PPIL1: variants seen among roughly 807,000 people sequenced by gnomAD.
PPIL1 encodes the protein peptidyl-prolyl cis-trans isomerase-like 1.
A neutral mutation model predicts 19.4 loss-of-function variants in PPIL1; 14 were observed. That is an observed-to-expected ratio of 0.72 (90% confidence interval 0.48 to 1.13). The LOEUF (loss-of-function observed/expected upper bound fraction) is 1.13. PPIL1 is among the 50% of genes most tolerant of loss of function. The pLI is 0.00. For missense variants in PPIL1, 192 were observed against 218.0 expected (o/e 0.88, Z 0.75); for synonymous variants, 72 against 73.6 (o/e 0.98, Z 0.11).
chr6:36,856,039 GGGAAAAA>G lies in PPIL1; in HGVS notation c.281-13_281-7del. 1 of 1,613,172 alleles carries G rather than the reference GGGAAAAA, an allele frequency of 6.2e-7. No individual in the cohort carries two copies. Among genetic ancestry groups the G allele is most frequent in the Non-Finnish European group, 8.5e-7 (1 of 1,179,388 alleles). On this transcript the variant is annotated splice_region_variant and splice_polypyrimidine_tract_variant and intron_variant, in intron 3 of 3. Coordinates refer to ENST00000373699, the MANE Select transcript of PPIL1 (RefSeq NM_016059.5). ...CATTGCGAGAATTCCAGCCCCTGGT[GGGAAAAA>G]GGAAGAAAGGAAAGAGTATAAATAA...
chr6:36,858,914 C>T (rs377143398), intron 2 of PPIL1, among the ~76,000 whole-genome samples: 14 of 152,236 alleles, frequency 9.2e-5, no homozygotes, highest in African/African-American at 3.1e-4. Flanking sequence ...TGGGGCCAGA[C>T]GCCACAGAGG....
rs567659314 is a variant in PPIL1, at chr6:36,866,221, G to T, written c.211+5497C>A. Reference sequence around the variant, plus strand: ...TGAAGGTAGAAAAATGGTTTAAAATGAAATGAAGCAGGAAGTCAAAGGGTA... The same window carrying T: ...TGAAGGTAGAAAAATGGTTTAAAATTAAATGAAGCAGGAAGTCAAAGGGTA... On this transcript the variant is annotated intron_variant, in intron 2 of 3. Transcript: ENST00000373699. Among the ~76,000 whole-genome samples the T allele has an allele frequency of 1.4e-4, 22 of 152,300 alleles. 1 individual carries two copies. The highest frequency in any genetic ancestry group is 1.3e-3 in the East Asian group (7 of 5,194).
At position 36,855,990 on chromosome 6, in the gene PPIL1, A is replaced by C; in HGVS notation, c.324T>G (p.Asn108Lys). The part of the protein sequence containing the change: ...LAMANAGPDT[N>K]GSQFFVTLAP... ...CGAGGGTCACAAAGAACTGGCTGCC[A>C]TTGGTATCTGGCCCCGCATTGGCCA... Residue 108 changes from asparagine to lysine, a missense_variant, in exon 4 of 4, where the codon AAT (asparagine) becomes AAG (lysine). Physicochemically the swap from Asn to Lys is moderately conservative, Grantham distance 94. Transcript: ENST00000373699. The C allele has an allele frequency of 6.2e-7, 1 of 1,614,238 alleles. No individual in the cohort carries two copies. The highest frequency in any genetic ancestry group is 8.5e-7 in the Non-Finnish European group (1 of 1,180,046).
intron 2 of PPIL1, among the ~76,000 whole-genome samples, chr6:36,867,474 C>T (rs1774416581): frequency 6.6e-6 from 1 of 152,230 alleles, no homozygotes; most frequent in Non-Finnish European, 1.5e-5. Context: ...AAATGTCATG[C>T]TGAGATTCTC....
rs764289992 is a variant in PPIL1 at position 36,855,824 on chromosome 6, G to A, written c.490C>T (p.Pro164Ser). The A allele has an allele frequency of 2.5e-6, 4 of 1,613,986 alleles. No homozygotes were observed. The highest frequency in any genetic ancestry group is 3.3e-5 in the Admixed American group (2 of 60,004). Residue 164 changes from proline to serine, a missense_variant, in exon 4 of 4, where the codon CCT (proline) becomes TCT (serine). Pro to Ser is a moderately conservative substitution (Grantham distance 74). Transcript: ENST00000373699. ...VDDVKIIKAYPSG is the reference protein window; with the variant it reads ...VDDVKIIKAYSSG ...AGAGGGTAGCAAGTCTACCCAGAAG[G>A]GTATGCCTTAATGATCTTCACGTCG...
chr6:36,862,809 GCTAC>G (rs1176388829), intron 2 of PPIL1, among the ~76,000 whole-genome samples: 1 of 152,208 alleles, frequency 6.6e-6, no homozygotes, highest in African/African-American at 2.4e-5. Context: ...CAAAAGCAGT[GCTAC>G]CTGACACAAA....
rs983814783 is a variant in PPIL1 at position 36,855,860 on chromosome 6, G to A, written c.454C>T (p.Arg152Cys). 1.2e-6 allele frequency: 2 copies of A among 1,614,038 alleles called. No homozygotes were observed. The highest frequency in any genetic ancestry group is 1.7e-6 in the Non-Finnish European group (2 of 1,179,992). ...VGMVETNSQD[R>C]PVDDVKIIKA... ...ATGATCTTCACGTCGTCCACAGGGC[G>A]GTCCTGGGAGTTTGTTTCTACCATT... Residue 152 changes from arginine (R) to cysteine (C), a missense_variant, in exon 4 of 4, where the codon CGC becomes TGC. Transcript: ENST00000373699.
chr6:36,870,422 T>A lies in PPIL1; in HGVS notation c.211+1296A>T, dbSNP rs539973596. Among the ~76,000 whole-genome samples, 103 of 152,132 alleles carry A rather than the reference T, an allele frequency of 6.8e-4. 1 individual carries two copies. The highest frequency in any genetic ancestry group is 6.8e-3 in the Middle Eastern group (2 of 294). The stretch of plus-strand genomic sequence containing the variant: ...ACTTACTCATGAGCATAGTCGGCCC[T>A]CCCTACATGTGGGTTCTACATTCAT... On this transcript the variant is annotated intron_variant, in intron 2 of 3. Transcript: ENST00000373699.
chr6:36,856,818 T>C (rs1050649316), intron 2 of PPIL1, among the ~76,000 whole-genome samples, 164 bp from the exon 3 acceptor site: 4 of 152,216 alleles, frequency 2.6e-5, no homozygotes, highest in African/African-American at 4.8e-5. Context: ...CTAGCACTAA[T>C]AGCACATTCA....
intron 2 of PPIL1, among the ~76,000 whole-genome samples, chr6:36,861,431 G>A (rs1323761007): frequency 6.6e-6 from 1 of 152,138 alleles, no homozygotes; most frequent in African/African-American, 2.4e-5. Flanking sequence ...TTGGTTCCAG[G>A]ATCCCTGTGA....
At chr6:36,867,883 G>T (rs1774426650) in intron 2 of PPIL1, among the ~76,000 whole-genome samples, 4 of 152,256 alleles carry the variant, frequency 2.6e-5, no homozygotes, top group Admixed American at 2.6e-4. Flanking sequence ...CATAAGTGGG[G>T]AGAATGACAA....
intron 1 of PPIL1, among the ~76,000 whole-genome samples, chr6:36,874,216 G>A (rs1207153961): frequency 6.6e-6 from 1 of 152,228 alleles, no homozygotes; most frequent in African/African-American, 2.4e-5. Context: ...GCGGGGCATG[G>A]CGCCAGCAGG....
rs1343879493 is a variant in PPIL1 at position 36,856,567 on chromosome 6, A to G, written c.280+19T>C. 6.8e-6 allele frequency: 11 copies of G among 1,611,584 alleles called. No individual in the cohort carries two copies. Among genetic ancestry groups the G allele is most frequent in the Non-Finnish European group, 9.3e-6 (11 of 1,177,728 alleles). On this transcript the variant is annotated intron_variant, in intron 3 of 3. Transcript: ENST00000373699. ...TAAAATCCCCGTTCCTACCCAGTCC[A>G]GCCAAATTATACACTTACCCGTGAA... is the stretch of plus-strand genomic sequence containing the variant.
chr6:36,873,070 A>G (rs966491015), intron 1 of PPIL1, among the ~76,000 whole-genome samples: 2 of 152,222 alleles, frequency 1.3e-5, no homozygotes, highest in African/African-American at 4.8e-5. Context: ...TTCAACACAG[A>G]TTGACAGTTA....
chr6:36,865,383 C>T (rs1438474477), intron 2 of PPIL1, among the ~76,000 whole-genome samples: 2 of 152,230 alleles, frequency 1.3e-5, no homozygotes, highest in African/African-American at 4.8e-5. Flanking sequence ...GTCCCCTAAA[C>T]AGGCAGTTCC....
chr6:36,856,473 G>T, intron 3 of PPIL1, 113 bp downstream of exon 3: 2 of 949,748 alleles, frequency 2.1e-6, no homozygotes, highest in Non-Finnish European at 3.3e-6. Context: ...GCCATGGCTG[G>T]GCAGCTATCT....
chr6:36,858,720 C>T (rs887615083), intron 2 of PPIL1: 21 of 152,310 alleles, frequency 1.4e-4, no homozygotes, highest in African/African-American at 5.1e-4. Context: ...TGGAAAAATA[C>T]TGAACCACAC....
chr6:36,874,450 TTGAA>T lies in PPIL1; in HGVS notation c.56+263_56+266del, dbSNP rs147444607. Among the ~76,000 whole-genome samples, 9 of 152,260 alleles carry T rather than the reference TTGAA, an allele frequency of 5.9e-5. 1 individual carries two copies. Among genetic ancestry groups the T allele is most frequent in the South Asian group, 4.1e-4 (2 of 4,828 alleles). On this transcript the variant is annotated intron_variant, in intron 1 of 3. Coordinates refer to ENST00000373699, the MANE Select transcript of PPIL1 (RefSeq NM_016059.5). ...GGCTTGCGGACTCATTACACGTTTGTTGAATGAATGAATGAATGAATGAGCGGAC... is the reference window on the plus strand; with the variant it reads ...GGCTTGCGGACTCATTACACGTTTGTTGAATGAATGAATGAATGAGCGGAC...
intron 2 of PPIL1, among the ~76,000 whole-genome samples, chr6:36,866,630 C>A (rs895677503): frequency 6.6e-6 from 1 of 152,112 alleles, no homozygotes; most frequent in African/African-American, 2.4e-5. Context: ...TACAGAAATA[C>A]AGAAAAGCTG....
Sources: allele counts gnomAD v4.1 joint callset (sites outside exome capture counted in the v4.1 genomes callset), GRCh38; gene constraint gnomAD v4.1.1; transcripts MANE v1.5; gene names NCBI Gene and HGNC (gene_info 2026-07-23, HGNC 2026-07-21).